DRC9: variants seen among roughly 807,000 people sequenced by gnomAD.
The protein encoded by DRC9 is dynein regulatory complex subunit 9.
At chr3:197,935,622 A>G in the DRC9 span, among the ~76,000 whole-genome samples, 1 of 151,884 alleles carries the variant, frequency 6.6e-6, no homozygotes, top group Non-Finnish European at 1.5e-5. Context: ...AGTAGCTAGG[A>G]CTAAAGCACG....
the DRC9 span, among the ~76,000 whole-genome samples, chr3:197,941,192 CTCTG>C: frequency 1.4e-5 from 2 of 144,478 alleles, no homozygotes; most frequent in African/African-American, 2.6e-5. Flanking sequence ...CCCCTCTCTC[CTCTG>C]TCTCTTTCTT....
the DRC9 span, among the ~76,000 whole-genome samples, chr3:197,945,097 C>T: frequency 2.0e-4 from 31 of 152,280 alleles, no homozygotes; most frequent in South Asian, 4.1e-4. Context: ...CTACACCACA[C>T]CGAGCAGGAC....
At chr3:197,894,905 A>C in the DRC9 span, among the ~76,000 whole-genome samples, 1 of 152,114 alleles carries the variant, frequency 6.6e-6, no homozygotes, top group Admixed American at 6.5e-5. Context: ...CTCTACAAAA[A>C]TGTTTTTAAT....
At chr3:197,938,602 G>A in the DRC9 span, 1 of 1,614,112 alleles carries the variant, frequency 6.2e-7, no homozygotes, top group Non-Finnish European at 8.5e-7. Context: ...CTGCCTTGTA[G>A]GTTTTTTGAA....
the DRC9 span, chr3:197,932,278 T>G: frequency 3.7e-6 from 6 of 1,611,512 alleles, no homozygotes; most frequent in Non-Finnish European, 5.1e-6. Context: ...TAATGGTATC[T>G]GCAATCACAT....
chr3:197,953,086 A>G, the DRC9 span, among the ~76,000 whole-genome samples: 2 of 152,272 alleles, frequency 1.3e-5, no homozygotes, highest in South Asian at 2.1e-4. Flanking sequence ...GGCGTGAGCC[A>G]TCGTGCCATT....
At chr3:197,889,678 C>T in the DRC9 span, 1 of 1,614,120 alleles carries the variant, frequency 6.2e-7, no homozygotes, top group Non-Finnish European at 8.5e-7. Flanking sequence ...CCACCAATTT[C>T]TCTCCGTATC....
At chr3:197,898,229 T>C in the DRC9 span, among the ~76,000 whole-genome samples, 1 of 152,214 alleles carries the variant, frequency 6.6e-6, no homozygotes, top group South Asian at 2.1e-4. Context: ...AACACCCTTT[T>C]AAATAATTCT....
At chr3:197,949,130 C>T in the DRC9 span, among the ~76,000 whole-genome samples, 1 of 152,178 alleles carries the variant, frequency 6.6e-6, no homozygotes, top group Admixed American at 6.5e-5. Flanking sequence ...TCTAACGTGT[C>T]ATCTATTTTT....
the DRC9 span, among the ~76,000 whole-genome samples, chr3:197,891,868 G>A: frequency 2.0e-5 from 3 of 152,088 alleles, no homozygotes; most frequent in Non-Finnish European, 4.4e-5. Context: ...ACATACACAA[G>A]TAGTCAGCTG....
At chr3:197,919,256 C>A in the DRC9 span, among the ~76,000 whole-genome samples, 4 of 152,170 alleles carry the variant, frequency 2.6e-5, no homozygotes, top group Non-Finnish European at 5.9e-5. Context: ...TCCACGGTGA[C>A]CGTGTGGAAA....
At chr3:197,957,094 A>T in the DRC9 span, 1 of 152,238 alleles carries the variant, frequency 6.6e-6, no homozygotes, top group African/African-American at 2.4e-5. Flanking sequence ...AGGATTGGGT[A>T]GGAAAAGCAC....
At chr3:197,955,400 C>T in the DRC9 span, among the ~76,000 whole-genome samples, 2 of 151,910 alleles carry the variant, frequency 1.3e-5, no homozygotes, top group African/African-American at 4.8e-5. Context: ...GTAGCTGGGA[C>T]TATAGGCACG....
At chr3:197,926,126 T>C in the DRC9 span, 1 of 1,374,502 alleles carries the variant, frequency 7.3e-7, no homozygotes, top group East Asian at 2.3e-5. Flanking sequence ...TAAGAATGAT[T>C]TGTGTTTAGA....
chr3:197,945,015 C>A, the DRC9 span, among the ~76,000 whole-genome samples: 1 of 152,076 alleles, frequency 6.6e-6, no homozygotes. Flanking sequence ...GAGTGAAAAA[C>A]AGAATGTGGT....
the DRC9 span, among the ~76,000 whole-genome samples, chr3:197,924,810 G>A: frequency 6.6e-6 from 1 of 151,932 alleles, no homozygotes; most frequent in East Asian, 1.9e-4. Context: ...GAGCCACCGC[G>A]CCCGGCCATC....
At chr3:197,940,227 C>T in the DRC9 span, among the ~76,000 whole-genome samples, 1 of 151,648 alleles carries the variant, frequency 6.6e-6, no homozygotes, top group African/African-American at 2.4e-5. Flanking sequence ...AACTCCTGAC[C>T]TCAGGTGATC....
chr3:197,895,433 C>CT, the DRC9 span, among the ~76,000 whole-genome samples: 3 of 152,072 alleles, frequency 2.0e-5, no homozygotes, highest in Admixed American at 2.0e-4. Context: ...CCATGTCCGG[C>CT]TACTTTCTTG....
chr3:197,900,215 A>C, the DRC9 span, among the ~76,000 whole-genome samples: 2 of 152,198 alleles, frequency 1.3e-5, no homozygotes, highest in South Asian at 4.1e-4. This position sits in a 1 kb window ranked among gnomAD's most constrained non-coding sequence, Gnocchi z 4.7. Context: ...ACGACCCTCT[A>C]CAACCCTTAC....
Sources: gnomAD v4.1 joint callset for allele counts (sites outside exome capture counted in the v4.1 genomes callset) on GRCh38, gnomAD v4.1.1 for gene constraint, Gnocchi (gnomAD v3.1) non-coding constraint, MANE v1.5 for transcripts, NCBI Gene and HGNC (gene_info 2026-07-23, HGNC 2026-07-21) for gene names.